RMDN2: variants seen among roughly 807,000 people sequenced by gnomAD.
The protein encoded by RMDN2 is regulator of microtubule dynamics 2.
RMDN2 carries 61 observed loss-of-function variants against 52.8 expected under a neutral mutation model. That is an observed-to-expected ratio of 1.16 (90% confidence interval 0.94 to 1.43). The LOEUF (loss-of-function observed/expected upper bound fraction) is 1.43. Among genes scored for constraint, RMDN2 ranks in the 40% most tolerant of loss-of-function variants. The pLI, the probability that RMDN2 is intolerant of heterozygous loss-of-function variation, is 0.00. For missense variants in RMDN2, 592 were observed against 475.3 expected (o/e 1.25, Z -2.28); for synonymous variants, 180 against 153.1 (o/e 1.18, Z -1.30).
At chr2:38,006,542 G>C (rs1174195981) in intron 10 of RMDN2, among the ~76,000 whole-genome samples, 4 of 152,104 alleles carry the variant, frequency 2.6e-5, no homozygotes, top group Non-Finnish European at 5.9e-5. Flanking sequence ...TGTGATTTTT[G>C]CACATTGATT....
At chr2:37,954,111 G>C (rs144915408) in intron 2 of RMDN2, among the ~76,000 whole-genome samples, 296 of 151,782 alleles carry the variant, frequency 2.0e-3, no homozygotes, top group African/African-American at 6.5e-3. Flanking sequence ...CTTTAAAAAA[G>C]ATATAATTTG....
chr2:37,942,696 G>T (rs1667896420), intron 2 of RMDN2, among the ~76,000 whole-genome samples: 1 of 151,952 alleles, frequency 6.6e-6, no homozygotes, highest in Admixed American at 6.6e-5. Flanking sequence ...TCATTCATTT[G>T]CCATTTAGTC....
At chr2:38,039,079 CACACACACACACACAGAG>C (rs764419400) in intron 10 of RMDN2, among the ~76,000 whole-genome samples, 28 of 83,330 alleles carry the variant, frequency 3.4e-4, no homozygotes, top group East Asian at 1.3e-3. Context: ...CACACACACA[CACACACACACACACAGAG>C]AGAGAGATAA....
intron 2 of RMDN2, among the ~76,000 whole-genome samples, chr2:37,966,139 TG>T (rs1204623420): frequency 2.6e-5 from 4 of 152,196 alleles, no homozygotes; most frequent in Non-Finnish European, 5.9e-5. Context: ...ATTGCATTTG[TG>T]GCCGGGCGTG....
chr2:38,025,028 T>G (rs1248925378), intron 10 of RMDN2, among the ~76,000 whole-genome samples: 1 of 152,140 alleles, frequency 6.6e-6, no homozygotes, highest in Non-Finnish European at 1.5e-5. Flanking sequence ...CCATGTGAAT[T>G]TTAGAATTAG....
At chr2:37,962,768 T>G (rs2125021984) in intron 2 of RMDN2, among the ~76,000 whole-genome samples, 1 of 151,918 alleles carries the variant, frequency 6.6e-6, no homozygotes, top group East Asian at 1.9e-4. Flanking sequence ...CTTCTGCAGC[T>G]ACCTCAGTGT....
In RMDN2 at chr2:37,942,467, A is replaced by G. The variant is rs527935808; in HGVS notation, c.452+12738A>G. 3.0e-4 allele frequency among the ~76,000 whole-genome samples: 45 copies of G among 152,330 alleles called. 1 individual carries two copies. The South Asian group carries it at 3.7e-3, about 13-fold the overall frequency. On this transcript the variant is annotated intron_variant, in intron 2 of 10. Coordinates refer to ENST00000354545, the MANE Select transcript of RMDN2 (RefSeq NM_001170791.3). ...TTGAAAGTATACATTTGAAGTCCTG[A>G]GTTATAGATTAACTATATTATTATT...
intron 10 of RMDN2, among the ~76,000 whole-genome samples, chr2:38,031,068 G>A (rs1335343895): frequency 1.3e-5 from 2 of 152,172 alleles, no homozygotes; most frequent in Non-Finnish European, 2.9e-5. Flanking sequence ...CATAGGGAGG[G>A]AAAATGGTTC....
intron 10 of RMDN2, among the ~76,000 whole-genome samples, chr2:38,023,427 T>C (rs1679541763): frequency 6.6e-6 from 1 of 152,234 alleles, no homozygotes. Context: ...ATTTGTATTT[T>C]GAATATTGAT....
At chr2:37,971,765 C>T (rs951484193) in intron 2 of RMDN2, among the ~76,000 whole-genome samples, 2 of 152,076 alleles carry the variant, frequency 1.3e-5, no homozygotes, top group African/African-American at 4.8e-5. Context: ...CATAGTAGGT[C>T]CTAAAATCTG....
intron 10 of RMDN2, among the ~76,000 whole-genome samples, chr2:38,031,256 CTTTTTTTTTT>C (rs552306141): frequency 9.4e-6 from 1 of 105,860 alleles, no homozygotes; most frequent in African/African-American, 3.8e-5. Context: ...CTTTGTTTCC[CTTTTTTTTTT>C]TTTTTTTTTT....
Position 37,925,345 on chromosome 2 carries a change from C to A in RMDN2, c.-97C>A, listed in dbSNP as rs370134703. ...ACCTTAGGACCCGCGGGCTCCAGGGCTACTGTCCGTCCGCCACTGCGCGCC... is the reference window on the plus strand; with the variant it reads ...ACCTTAGGACCCGCGGGCTCCAGGGATACTGTCCGTCCGCCACTGCGCGCC... On this transcript the variant is annotated 5_prime_UTR_variant, in exon 1 of 11. Transcript: ENST00000354545. The A allele has an allele frequency of 2.6e-5, 4 of 152,316 alleles. No homozygotes were observed. Among genetic ancestry groups the A allele is most frequent in the African/African-American group, 9.7e-5 (4 of 41,446 alleles). The allele number at this position is 152,316 out of a possible 1,614,324, so 9.4% of individuals were successfully genotyped here.
downstream of RMDN2, among the ~76,000 whole-genome samples, chr2:38,021,548 C>T (rs62136318): frequency 0.026 from 3,976 of 152,198 alleles, 62 homozygotes; most frequent in Middle Eastern, 0.037. Context: ...GAAGAAACTC[C>T]GAACACATCC....
intron 5 of RMDN2, among the ~76,000 whole-genome samples, chr2:37,988,044 G>C (rs1052538946): frequency 6.6e-5 from 10 of 152,138 alleles, no homozygotes; most frequent in Non-Finnish European, 1.5e-4. Flanking sequence ...GGGCGATAGA[G>C]CATGTCTTCA....
At chr2:37,995,460 A>G (rs1231674642) in intron 7 of RMDN2, among the ~76,000 whole-genome samples, 1 of 152,178 alleles carries the variant, frequency 6.6e-6, no homozygotes, top group African/African-American at 2.4e-5. Context: ...AGTGTTTATA[A>G]ACTAGTGTGC....
chr2:37,961,092 C>A (rs1217563973), intron 2 of RMDN2, among the ~76,000 whole-genome samples: 4 of 152,088 alleles, frequency 2.6e-5, no homozygotes, highest in Non-Finnish European at 5.9e-5. Context: ...TTGTTGGTAA[C>A]CTGACCTTTC....
At chr2:37,956,263 C>A (rs540183129) in intron 2 of RMDN2, among the ~76,000 whole-genome samples, 7 of 152,078 alleles carry the variant, frequency 4.6e-5, no homozygotes, top group African/African-American at 1.4e-4. Flanking sequence ...CTATTTATTC[C>A]TGATTCAGAC....
chr2:38,033,322 C>G (rs1385272671), intron 10 of RMDN2: 2 of 152,196 alleles, frequency 1.3e-5, no homozygotes, highest in Admixed American at 6.5e-5. Context: ...TCCTTCCCAT[C>G]CCATGGTGAG....
intron 2 of RMDN2, among the ~76,000 whole-genome samples, chr2:37,969,628 G>C (rs1009019763): frequency 1.3e-5 from 2 of 151,930 alleles, no homozygotes; most frequent in South Asian, 4.2e-4. Context: ...CAAAAAATAA[G>C]ATTGTTTCTT....
Sources: allele counts gnomAD v4.1 joint callset (sites outside exome capture counted in the v4.1 genomes callset), GRCh38; gene constraint gnomAD v4.1.1; transcripts MANE v1.5; gene names NCBI Gene and HGNC (gene_info 2026-07-23, HGNC 2026-07-21).